TRPM3: variants seen among roughly 807,000 people sequenced by gnomAD.
TRPM3 encodes long transient receptor potential channel 3.
Under a neutral mutation model 181.2 loss-of-function variants are expected in TRPM3, and 77 were observed. The ratio of observed to expected loss-of-function variants is 0.42; its 90% CI spans 0.35 to 0.51. TRPM3 has a LOEUF of 0.51. Ranked by LOEUF, TRPM3 falls within the 20% of genes least tolerant of loss-of-function variation. TRPM3 has a pLI of 0.01. For missense variants in TRPM3, 1,759 were observed against 2,196.7 expected, an observed-to-expected ratio of 0.80 and a Z score of 3.98; for synonymous variants, 745 against 796.4, an observed-to-expected ratio of 0.94 and a Z score of 1.09.
chr9:70,992,503 T>C (rs139942786), intron 1 of TRPM3, among the ~76,000 whole-genome samples: 157 of 152,320 alleles, frequency 1.0e-3, no homozygotes, highest in African/African-American at 3.7e-3. Context: ...CCTGTTCCTG[T>C]TCTCTTGAAG....
intron 1 of TRPM3, among the ~76,000 whole-genome samples, chr9:71,216,624 A>T (rs966914174): frequency 1.4e-4 from 22 of 152,210 alleles, no homozygotes; most frequent in African/African-American, 5.1e-4. Context: ...CCATGCAAAG[A>T]GCACATTTGC....
chr9:70,773,743 G>A (rs1221056075), intron 7 of TRPM3, among the ~76,000 whole-genome samples: 2 of 152,120 alleles, frequency 1.3e-5, no homozygotes, highest in Admixed American at 6.5e-5. Flanking sequence ...TGTGTATTAT[G>A]TCTGTGTGGA....
chr9:71,414,726 G>A (rs998619784), intron 1 of TRPM3, among the ~76,000 whole-genome samples: 1 of 152,010 alleles, frequency 6.6e-6, no homozygotes, highest in Non-Finnish European at 1.5e-5. Flanking sequence ...TCATGAAGCA[G>A]AGAAATCCCA....
intron 1 of TRPM3, among the ~76,000 whole-genome samples, chr9:71,247,853 G>A (rs1360362587): frequency 3.3e-5 from 5 of 152,040 alleles, no homozygotes; most frequent in Admixed American, 6.6e-5. Flanking sequence ...AAAACAAGGA[G>A]GTCCAGAGAC....
At chr9:70,654,750 T>C (rs1038044853) in intron 9 of TRPM3, among the ~76,000 whole-genome samples, 2 of 151,400 alleles carry the variant, frequency 1.3e-5, no homozygotes, top group Non-Finnish European at 2.9e-5. Context: ...TGGCGCGATC[T>C]TGGCTCACTG....
rs188874737 is a variant in TRPM3, at chr9:70,536,957, C to T, written c.4156G>A (p.Ala1386Thr). ...LHRATSSHSV[A>T]KEPKAPAAPA... is the part of the protein sequence containing the mutation. ...GCTGCAGGAGCTTTGGGTTCTTTTG[C>T]TACAGAGTGGGAACTAGTAGCCCGG... The change falls in exon 26 of 26, where the codon GCA (alanine) becomes ACA (threonine). Residue 1386 changes from alanine (A) to threonine (T), a missense_variant. Transcript: ENST00000677713. 18 of 1,613,978 alleles carry T rather than the reference C, an allele frequency of 1.1e-5. No individual in the cohort carries two copies. The highest frequency in any genetic ancestry group is 1.4e-5 in the Non-Finnish European group (17 of 1,179,948).
intron 1 of TRPM3, among the ~76,000 whole-genome samples, chr9:71,321,660 T>G (rs1037109276): frequency 6.6e-6 from 1 of 152,134 alleles, no homozygotes; most frequent in Admixed American, 6.6e-5. Context: ...TTCTGTGAGA[T>G]GAACTTCCTG....
chr9:70,747,816 C>A lies in TRPM3; in HGVS notation c.1272+13785G>T, dbSNP rs192296428. ...ATTGTTAGGGGGATATTGGACTAGG[C>A]GACCAAGTTCATAGGGAATAGCAAT... On this transcript the variant is annotated intron_variant, in intron 8 of 25. Coordinates refer to ENST00000677713, the MANE Select transcript of TRPM3 (RefSeq NM_001366145.2). Among the ~76,000 whole-genome samples, 3 of 151,744 alleles carry A rather than the reference C, an allele frequency of 2.0e-5. No individual in the cohort carries two copies. In the East Asian group the frequency reaches 5.8e-4, roughly 29 times the overall value.
chr9:71,022,237 C>T (rs1448767629), intron 1 of TRPM3, among the ~76,000 whole-genome samples: 2 of 152,136 alleles, frequency 1.3e-5, no homozygotes, highest in African/African-American at 4.8e-5. Flanking sequence ...ACAAATAGAC[C>T]TACACAAATA....
chr9:71,149,858 G>A (rs1287075398), intron 1 of TRPM3, among the ~76,000 whole-genome samples: 1 of 152,050 alleles, frequency 6.6e-6, no homozygotes, highest in Non-Finnish European at 1.5e-5. Context: ...AGCTACTTGG[G>A]AGGCTGAGGT....
At chr9:71,079,645 A>G (rs761140845) in intron 1 of TRPM3, among the ~76,000 whole-genome samples, 3 of 152,166 alleles carry the variant, frequency 2.0e-5, no homozygotes, top group South Asian at 2.1e-4. Flanking sequence ...AGTCTTCCCA[A>G]TGGAATGTAG....
At chr9:71,077,169 G>T (rs1279181751) in intron 1 of TRPM3, among the ~76,000 whole-genome samples, 1 of 152,118 alleles carries the variant, frequency 6.6e-6, no homozygotes, top group Admixed American at 6.6e-5. Context: ...AGATTCCTGG[G>T]CTCCTTCTCT....
At chr9:70,838,127 G>T (rs1890018) in intron 5 of TRPM3, among the ~76,000 whole-genome samples, 15,861 of 152,138 alleles carry the variant, frequency 0.1, 948 homozygotes, top group African/African-American at 0.15. Context: ...AAATCTTACA[G>T]AGTTTAAGTG....
At chr9:71,445,730 A>C (rs959005295) in intron 1 of TRPM3, among the ~76,000 whole-genome samples, 1 of 152,176 alleles carries the variant, frequency 6.6e-6, no homozygotes, top group Non-Finnish European at 1.5e-5. Flanking sequence ...ATTAAATCAA[A>C]GTCTCTTCAA....
intron 7 of TRPM3, among the ~76,000 whole-genome samples, chr9:70,768,684 C>T (rs993176383): frequency 2.0e-5 from 3 of 151,876 alleles, no homozygotes; most frequent in Non-Finnish European, 4.4e-5. Flanking sequence ...GCTTTGGGAG[C>T]CTGAGGCAGC....
At chr9:70,610,064 T>C (rs1274788528) in intron 19 of TRPM3, among the ~76,000 whole-genome samples, 1 of 152,212 alleles carries the variant, frequency 6.6e-6, no homozygotes, top group Non-Finnish European at 1.5e-5. Context: ...CTTTGAGTAG[T>C]TTTTGCTGCT....
At chr9:70,655,812 A>G (rs958411561) in intron 9 of TRPM3, among the ~76,000 whole-genome samples, 1 of 152,162 alleles carries the variant, frequency 6.6e-6, no homozygotes, top group Admixed American at 6.5e-5. Flanking sequence ...AGGTTACTGA[A>G]AGAGTTATAA....
chr9:70,669,905 T>TA (rs1179124777), intron 9 of TRPM3, among the ~76,000 whole-genome samples: 1 of 152,062 alleles, frequency 6.6e-6, no homozygotes, highest in Non-Finnish European at 1.5e-5. Context: ...CCTGGATATT[T>TA]AAAAAAATTT....
chr9:71,227,538 G>A (rs1472002746), intron 1 of TRPM3, among the ~76,000 whole-genome samples: 1 of 151,660 alleles, frequency 6.6e-6, no homozygotes, highest in Non-Finnish European at 1.5e-5. Flanking sequence ...AAAGAGCGAT[G>A]GAACAAAAAC....
Sources: gnomAD v4.1 joint callset for allele counts (sites outside exome capture counted in the v4.1 genomes callset) on GRCh38, gnomAD v4.1.1 for gene constraint, MANE v1.5 for transcripts, NCBI Gene and HGNC (gene_info 2026-07-23, HGNC 2026-07-21) for gene names.